Variants in SPIDR observed in about 807,000 individuals in gnomAD.
SPIDR encodes scaffold protein involved in DNA repair, also known as DNA repair-scaffolding protein.
SPIDR carries 93 observed loss-of-function variants against 104.6 expected under a neutral mutation model. The observed-to-expected ratio is 0.89, with a 90% CI of 0.75 to 1.06. The LOEUF (loss-of-function observed/expected upper bound fraction) is 1.06, where lower values mean the gene tolerates loss of function less well. SPIDR is among the 50% of genes least tolerant of loss of function. The pLI is 0.00. For missense variants in SPIDR, 1,154 were observed against 1,111.2 expected, an observed-to-expected ratio of 1.04 and a Z score of -0.55; for synonymous variants, 431 against 416.9, an observed-to-expected ratio of 1.03 and a Z score of -0.41.
At chr8:47,588,023 T>C (rs1439932767) in intron 8 of SPIDR, among the ~76,000 whole-genome samples, 2 of 91,128 alleles carry the variant, frequency 2.2e-5, no homozygotes, top group African/African-American at 4.1e-5. Flanking sequence ...CTTTTAAAAT[T>C]AGCATATATA....
At chr8:47,581,974 T>C (rs2059751346) in intron 8 of SPIDR, among the ~76,000 whole-genome samples, 2 of 152,192 alleles carry the variant, frequency 1.3e-5, no homozygotes, top group African/African-American at 4.8e-5. Flanking sequence ...CCCAGCACTT[T>C]GGGAGGCTGA....
At chr8:47,728,897 C>G in intron 17 of SPIDR, 36 bp from the exon 18 acceptor site, 3 of 1,584,526 alleles carry the variant, frequency 1.9e-6, no homozygotes, top group Non-Finnish European at 2.6e-6. Context: ...TTGTGCCTCC[C>G]GGGGCCTTGT....
In SPIDR at chr8:47,549,548, G is replaced by T. The variant is rs570209884; in HGVS notation, c.1098-46263G>T. On this transcript the variant is annotated intron_variant, in intron 8 of 19. Coordinates refer to ENST00000297423, the MANE Select transcript of SPIDR (RefSeq NM_001080394.4). Reference sequence around the variant, plus strand: ...ATGATGAGCATGTTTTCATATGTCTGTTGGCTGCATAAATGTCTTCCCTTG... The same window carrying T: ...ATGATGAGCATGTTTTCATATGTCTTTTGGCTGCATAAATGTCTTCCCTTG... Among the ~76,000 whole-genome samples the T allele has an allele frequency of 8.2e-3, 1,246 of 152,292 alleles. 19 individuals are homozygous for T. Among genetic ancestry groups the T allele is most frequent in the African/African-American group, 0.028 (1,176 of 41,552 alleles).
chr8:47,630,306 T>C (rs1308588628), intron 10 of SPIDR, among the ~76,000 whole-genome samples: 1 of 152,196 alleles, frequency 6.6e-6, no homozygotes, highest in Admixed American at 6.5e-5. Context: ...CAATATTTAA[T>C]GTAAACGTTG....
At chr8:47,303,149 T>C (rs1220491135) in intron 5 of SPIDR, among the ~76,000 whole-genome samples, 2 of 152,224 alleles carry the variant, frequency 1.3e-5, no homozygotes, top group Admixed American at 6.5e-5. Flanking sequence ...CAATGGTGGC[T>C]GCCCCTCCCG....
At chr8:47,305,700 A>G (rs1261369092) in intron 5 of SPIDR, among the ~76,000 whole-genome samples, 2 of 152,122 alleles carry the variant, frequency 1.3e-5, no homozygotes, top group African/African-American at 4.8e-5. Context: ...TTTGCTTTTA[A>G]TCGGTTTTAA....
intron 5 of SPIDR, among the ~76,000 whole-genome samples, chr8:47,379,631 G>T (rs2059086970): frequency 1.3e-5 from 2 of 152,208 alleles, no homozygotes; most frequent in African/African-American, 2.4e-5. Context: ...TGGTTAAATT[G>T]TGGCTAAAGG....
intron 7 of SPIDR, among the ~76,000 whole-genome samples, chr8:47,418,696 C>CG (rs1268986833): frequency 9.9e-5 from 15 of 152,052 alleles, no homozygotes; most frequent in Admixed American, 9.2e-4. Flanking sequence ...CTGTCTTGTG[C>CG]AGTTTTCAAA....
chr8:47,684,712 T>C (rs2077524879), intron 11 of SPIDR, among the ~76,000 whole-genome samples: 1 of 152,242 alleles, frequency 6.6e-6, no homozygotes, highest in African/African-American at 2.4e-5. Context: ...CAAGACTTTG[T>C]TGTCTTGTTT....
intron 8 of SPIDR, among the ~76,000 whole-genome samples, chr8:47,500,582 A>C (rs952231357): frequency 1.3e-5 from 2 of 152,098 alleles, no homozygotes; most frequent in Non-Finnish European, 2.9e-5. Flanking sequence ...ATGTTCTCTC[A>C]TTCTTAGGTT....
intron 5 of SPIDR, among the ~76,000 whole-genome samples, chr8:47,379,124 A>G (rs2059022853): frequency 6.6e-6 from 1 of 152,126 alleles, no homozygotes; most frequent in Admixed American, 6.5e-5. Context: ...AGAGCAGCCT[A>G]CATGTAGCCA....
intron 11 of SPIDR, among the ~76,000 whole-genome samples, chr8:47,689,274 C>T (rs1361176176): frequency 6.6e-6 from 1 of 152,142 alleles, no homozygotes; most frequent in Non-Finnish European, 1.5e-5. Flanking sequence ...CATAGCTCTC[C>T]CGGGTTGGTT....
chr8:47,466,093 C>T (rs1021026234), intron 8 of SPIDR, among the ~76,000 whole-genome samples: 1 of 152,104 alleles, frequency 6.6e-6, no homozygotes, highest in Admixed American at 6.5e-5. Context: ...CAACACCCCA[C>T]TGACAATATT....
intron 5 of SPIDR, among the ~76,000 whole-genome samples, chr8:47,376,870 C>A (rs1554642747): frequency 6.6e-6 from 1 of 152,048 alleles, no homozygotes; most frequent in Non-Finnish European, 1.5e-5. Flanking sequence ...TTGGGGTTGG[C>A]AAACTATAGC....
chr8:47,317,355 C>T (rs2045575587), intron 5 of SPIDR, among the ~76,000 whole-genome samples: 1 of 152,052 alleles, frequency 6.6e-6, no homozygotes, highest in Non-Finnish European at 1.5e-5. Context: ...TCGCTCATTG[C>T]TAGCACAGCA....
At chr8:47,413,302 T>TTCCA (rs1312568109) in intron 7 of SPIDR, among the ~76,000 whole-genome samples, 1 of 152,254 alleles carries the variant, frequency 6.6e-6, no homozygotes, top group Non-Finnish European at 1.5e-5. Context: ...CTTAGAGACA[T>TTCCA]TCCAGTCCAA....
rs543107092 is a variant in SPIDR at position 47,384,297 on chromosome 8, G to C, written c.526-12079G>C. 3.4e-3 allele frequency among the ~76,000 whole-genome samples: 520 copies of C among 152,222 alleles called. 2 individuals carry two copies. Among genetic ancestry groups the C allele is most frequent in the African/African-American group, 0.012 (495 of 41,528 alleles). On this transcript the variant is annotated intron_variant, in intron 5 of 19. Transcript: ENST00000297423. ...TAGTTGTATATGTACGTTTTTGTTAGCCTTTGAAAAAGTATAGCTTTACTG... is the reference window on the plus strand; with the variant it reads ...TAGTTGTATATGTACGTTTTTGTTACCCTTTGAAAAAGTATAGCTTTACTG...
chr8:47,348,280 C>T (rs377638968), intron 5 of SPIDR, among the ~76,000 whole-genome samples: 4 of 152,200 alleles, frequency 2.6e-5, no homozygotes, highest in Non-Finnish European at 4.4e-5. Context: ...TTGGCCCCCA[C>T]TCTCTTCTGA....
At chr8:47,550,148 A>G (rs1447966902) in intron 8 of SPIDR, among the ~76,000 whole-genome samples, 4 of 152,108 alleles carry the variant, frequency 2.6e-5, no homozygotes, top group Admixed American at 6.5e-5. Flanking sequence ...TACCAGTACC[A>G]TCCTGTTTTT....
Sources: gnomAD v4.1 joint callset for allele counts (sites outside exome capture counted in the v4.1 genomes callset) on GRCh38, gnomAD v4.1.1 for gene constraint, MANE v1.5 for transcripts, NCBI Gene and HGNC (gene_info 2026-07-23, HGNC 2026-07-21) for gene names.